The following PALLD variants were observed in gnomAD, a reference collection of about 807,000 sequenced individuals.
PALLD encodes the protein palladin, cytoskeletal associated protein.
PALLD carries 61 observed loss-of-function variants against 123.5 expected under a neutral mutation model. The observed-to-expected ratio is 0.49, with a 90% CI of 0.40 to 0.61. The LOEUF is 0.61. Ranked by LOEUF, PALLD falls within the 20% of genes least tolerant of loss-of-function variation. The pLI is 0.00. For synonymous variants in PALLD, 465 were observed against 496.4 expected (o/e 0.94, Z 0.84); for missense variants, 1,273 against 1,377.0 (o/e 0.92, Z 1.20).
At chr4:168,614,196 C>T (rs1453433002) in intron 2 of PALLD, among the ~76,000 whole-genome samples, 1 of 152,174 alleles carries the variant, frequency 6.6e-6, no homozygotes, top group African/African-American at 2.4e-5. Context: ...GAGCACTCTA[C>T]TGGTCTTAAT....
Position 168,660,378 on chromosome 4 carries a change from A to C in PALLD, c.909-7812A>C, listed in dbSNP as rs185012344. 8.7e-3 allele frequency among the ~76,000 whole-genome samples: 1,326 copies of C among 152,318 alleles called. 20 individuals are homozygous for C. Among genetic ancestry groups the C allele is most frequent in the African/African-American group, 0.03 (1,237 of 41,566 alleles). The stretch of plus-strand genomic sequence containing the variant: ...TCCTTTAACAACTGGACTCAGACCA[A>C]GTCAGCAGTCACATTTAACCTCACC... On this transcript the variant is annotated intron_variant, in intron 2 of 21. Coordinates refer to ENST00000505667, the MANE Select transcript of PALLD (RefSeq NM_001166108.2).
At chr4:168,761,662 T>TG (rs1561493989) in intron 10 of PALLD, among the ~76,000 whole-genome samples, 2 of 131,312 alleles carry the variant, frequency 1.5e-5, no homozygotes, top group Non-Finnish European at 3.2e-5. Flanking sequence ...TTTTTTTTTT[T>TG]TTTTTTTTTT....
intron 10 of PALLD, chr4:168,877,840 G>A (rs999643131): frequency 3.8e-6 from 5 of 1,326,740 alleles, no homozygotes; most frequent in African/African-American, 3.1e-5. Context: ...TCCCGCCGCC[G>A]CCCGCCTTCC....
At chr4:168,646,405 G>T (rs1447335438) in intron 2 of PALLD, among the ~76,000 whole-genome samples, 1 of 152,224 alleles carries the variant, frequency 6.6e-6, no homozygotes, top group Non-Finnish European at 1.5e-5. Context: ...CAAGCTCGGG[G>T]CTTCGTTGCC....
At chr4:168,731,741 AAAT>A (rs2150310050) in intron 10 of PALLD, among the ~76,000 whole-genome samples, 1 of 152,344 alleles carries the variant, frequency 6.6e-6, no homozygotes, top group African/African-American at 2.4e-5. Flanking sequence ...AAAGATAGAA[AAAT>A]CACTGACCAA....
intron 2 of PALLD, among the ~76,000 whole-genome samples, chr4:168,542,849 G>A (rs1374816942): frequency 6.7e-6 from 1 of 150,180 alleles, no homozygotes; most frequent in Non-Finnish European, 1.5e-5. Flanking sequence ...GGGCCTATCT[G>A]ATGGCCTTGT....
chr4:168,597,639 C>T (rs1014777343), intron 2 of PALLD, among the ~76,000 whole-genome samples: 2 of 151,874 alleles, frequency 1.3e-5, no homozygotes, highest in Non-Finnish European at 2.9e-5. Flanking sequence ...ATTTTTCCTC[C>T]AGCATGGTTG....
intron 10 of PALLD, among the ~76,000 whole-genome samples, chr4:168,860,283 C>G (rs1446886808): frequency 6.6e-6 from 1 of 152,202 alleles, no homozygotes; most frequent in Non-Finnish European, 1.5e-5. Context: ...TCTGTTGACA[C>G]CAGACCCTCA....
chr4:168,815,597 TAAC>T (rs140300213), intron 10 of PALLD, among the ~76,000 whole-genome samples: 18,720 of 152,160 alleles, frequency 0.12, 1,376 homozygotes, highest in Admixed American at 0.16. Flanking sequence ...GACTGAATGG[TAAC>T]AAGGCAGGGA....
chr4:168,834,618 C>T (rs929643721), intron 10 of PALLD, among the ~76,000 whole-genome samples: 1 of 151,946 alleles, frequency 6.6e-6, no homozygotes, highest in African/African-American at 2.4e-5. Flanking sequence ...GTGCCTATAA[C>T]CCCAGCTACT....
chr4:168,563,914 A>G (rs1768104157), intron 2 of PALLD, among the ~76,000 whole-genome samples: 1 of 152,204 alleles, frequency 6.6e-6, no homozygotes, highest in African/African-American at 2.4e-5. Context: ...TGTGACATGC[A>G]TAGATTTTGT....
At chr4:168,904,076 T>C in intron 15 of PALLD, 170 bp downstream of exon 15, 1 of 661,166 alleles carries the variant, frequency 1.5e-6, no homozygotes. Context: ...AATTCTTTGT[T>C]TCATGAATAC....
intron 2 of PALLD, among the ~76,000 whole-genome samples, chr4:168,604,101 A>C (rs1389796091): frequency 6.6e-6 from 1 of 152,234 alleles, no homozygotes; most frequent in Non-Finnish European, 1.5e-5. Context: ...AAAGTAATTC[A>C]TGAGAGCTGC....
chr4:168,524,652 T>C (rs1763879397), intron 2 of PALLD, among the ~76,000 whole-genome samples: 1 of 152,202 alleles, frequency 6.6e-6, no homozygotes, highest in Non-Finnish European at 1.5e-5. Flanking sequence ...TCTGTCTCAA[T>C]GGAGTTTGGG....
chr4:168,564,895 C>A (rs1405679717), intron 2 of PALLD, among the ~76,000 whole-genome samples: 1 of 152,080 alleles, frequency 6.6e-6, no homozygotes, highest in East Asian at 1.9e-4. Flanking sequence ...CATTATATTA[C>A]CCTTAAGAAA....
intron 2 of PALLD, among the ~76,000 whole-genome samples, chr4:168,650,701 A>G: frequency 6.6e-6 from 1 of 152,310 alleles, no homozygotes; most frequent in East Asian, 1.9e-4. Context: ...AATTTTCAAT[A>G]TTATGAGTTT....
intron 2 of PALLD, among the ~76,000 whole-genome samples, chr4:168,549,308 A>T (rs902865272): frequency 2.0e-5 from 3 of 152,120 alleles, no homozygotes; most frequent in Non-Finnish European, 4.4e-5. Context: ...AACCAAAAGC[A>T]TAAGGGCAGT....
At chr4:168,579,011 G>A (rs1334739715) in intron 2 of PALLD, among the ~76,000 whole-genome samples, 1 of 152,042 alleles carries the variant, frequency 6.6e-6, no homozygotes, top group African/African-American at 2.4e-5. Context: ...TTTCAAGTAG[G>A]GAAAGAGTTT....
At chr4:168,674,614 G>A (rs1780645651) in intron 3 of PALLD, among the ~76,000 whole-genome samples, 1 of 152,120 alleles carries the variant, frequency 6.6e-6, no homozygotes, top group Non-Finnish European at 1.5e-5. Context: ...AATCAGATGC[G>A]GGCCAGGAGA....
Sources: allele counts gnomAD v4.1 joint callset (sites outside exome capture counted in the v4.1 genomes callset), GRCh38; gene constraint gnomAD v4.1.1; transcripts MANE v1.5; gene names NCBI Gene and HGNC (gene_info 2026-07-23, HGNC 2026-07-21).